Variants in COXFA4 observed in about 807,000 individuals in gnomAD.
COXFA4 encodes the protein cytochrome c oxidase associated subunit FA4.
At chr7:10,937,385 C>T in the COXFA4 span, among the ~76,000 whole-genome samples, 3 of 151,820 alleles carry the variant, frequency 2.0e-5, no homozygotes, top group African/African-American at 4.8e-5. Flanking sequence ...CAGGTTCAAG[C>T]GATTCTCCTG....
the COXFA4 span, chr7:10,932,498 A>C: frequency 6.6e-6 from 1 of 152,234 alleles, no homozygotes; most frequent in Non-Finnish European, 1.5e-5. Flanking sequence ...AGTTCCTGAC[A>C]TTTAAAATGT....
At chr7:10,936,603 AAC>A in the COXFA4 span, among the ~76,000 whole-genome samples, 1 of 152,240 alleles carries the variant, frequency 6.6e-6, no homozygotes, top group Non-Finnish European at 1.5e-5. Context: ...GGCAAAATAT[AAC>A]ACAGATGAGA....
At chr7:10,936,862 C>G in the COXFA4 span, among the ~76,000 whole-genome samples, 245 of 152,124 alleles carry the variant, frequency 1.6e-3, 3 homozygotes, top group African/African-American at 5.7e-3. Context: ...ACGGCAAAAC[C>G]CCATCTCTAC....
chr7:10,938,539 A>G, the COXFA4 span: 4 of 436,642 alleles, frequency 9.2e-6, no homozygotes, highest in South Asian at 1.2e-4. Context: ...TTTTATAAAA[A>G]CAATTATTTT....
the COXFA4 span, chr7:10,932,506 T>C: frequency 6.6e-6 from 1 of 152,352 alleles, no homozygotes; most frequent in Non-Finnish European, 1.5e-5. Flanking sequence ...ACATTTAAAA[T>C]GTGCTTCTAC....
At chr7:10,936,519 CTTAGT>C in the COXFA4 span, among the ~76,000 whole-genome samples, 4 of 152,136 alleles carry the variant, frequency 2.6e-5, no homozygotes, top group African/African-American at 7.2e-5. Context: ...CTGGAATGGA[CTTAGT>C]TTAAACAAAT....
chr7:10,938,871 C>A, the COXFA4 span: 1 of 1,613,548 alleles, frequency 6.2e-7, no homozygotes, highest in Non-Finnish European at 8.5e-7. Context: ...AGCTCCAGTT[C>A]CAATAAATAC....
chr7:10,939,657 G>A, the COXFA4 span: 2 of 321,742 alleles, frequency 6.2e-6, no homozygotes, highest in Admixed American at 4.2e-5. Flanking sequence ...TAACACATAG[G>A]GAACCTGACC....
the COXFA4 span, chr7:10,939,558 A>T: frequency 2.7e-5 from 5 of 183,168 alleles, no homozygotes; most frequent in South Asian, 5.2e-4. Flanking sequence ...GTCCAGACAA[A>T]GTGAGGATTC....
chr7:10,939,858 G>A, the COXFA4 span: 39 of 842,842 alleles, frequency 4.6e-5, no homozygotes, highest in Non-Finnish European at 7.6e-5. Flanking sequence ...GGTCACAGAG[G>A]CCTGGGACAA....
the COXFA4 span, chr7:10,939,047 T>A: frequency 1.6e-6 from 1 of 611,728 alleles, no homozygotes; most frequent in Non-Finnish European, 2.9e-6. Flanking sequence ...GATCTTACAT[T>A]GAGGTAAGAT....
the COXFA4 span, chr7:10,938,293 G>A: frequency 1.4e-6 from 1 of 701,262 alleles, no homozygotes; most frequent in Non-Finnish European, 2.4e-6. Flanking sequence ...AACAGGTAGA[G>A]GATCTATAAT....
chr7:10,933,703 A>T, the COXFA4 span: 1 of 1,596,698 alleles, frequency 6.3e-7, no homozygotes, highest in Non-Finnish European at 8.6e-7. Context: ...CTTGGAACAG[A>T]AAAAAAGATA....
chr7:10,939,922 G>A, the COXFA4 span: 1 of 1,390,794 alleles, frequency 7.2e-7, no homozygotes, highest in Non-Finnish European at 1.0e-6. Flanking sequence ...ACGGTAAGTG[G>A]CTGTAAATGA....
chr7:10,938,982 T>C, the COXFA4 span: 1 of 1,024,122 alleles, frequency 9.8e-7, no homozygotes, highest in South Asian at 1.3e-5. Context: ...TGCACATTGA[T>C]TTCCAAGTCT....
the COXFA4 span, chr7:10,933,499 T>C: frequency 5.9e-6 from 4 of 683,392 alleles, no homozygotes; most frequent in East Asian, 2.7e-5. Context: ...TAATCTCCAA[T>C]AGAGATTACA....
the COXFA4 span, chr7:10,939,323 A>G: frequency 0.096 from 19,262 of 201,012 alleles, 1,561 homozygotes; most frequent in African/African-American, 0.24. Flanking sequence ...GAAAAATAGA[A>G]TCTGAATAAG....
the COXFA4 span, chr7:10,938,647 A>G: frequency 0.03 from 17,653 of 590,868 alleles, 776 homozygotes; most frequent in African/African-American, 0.14. Context: ...TTCATGAACC[A>G]AAAAAAGTAA....
At chr7:10,934,259 A>C in the COXFA4 span, among the ~76,000 whole-genome samples, 4 of 151,886 alleles carry the variant, frequency 2.6e-5, no homozygotes, top group African/African-American at 9.7e-5. Context: ...TCAAACTGAC[A>C]CTTCAACTCT....
Sources: allele counts gnomAD v4.1 joint callset (sites outside exome capture counted in the v4.1 genomes callset), GRCh38; gene constraint gnomAD v4.1.1; transcripts MANE v1.5; gene names NCBI Gene and HGNC (gene_info 2026-07-23, HGNC 2026-07-21).